The following TTN variants were observed in gnomAD, a reference collection of about 807,000 sequenced individuals.
TTN encodes the protein connectin.
Under a neutral mutation model 3,223.0 loss-of-function variants are expected in TTN, and 1,525 were observed. That is an observed-to-expected ratio of 0.47 (90% CI 0.45 to 0.49). The LOEUF (loss-of-function observed/expected upper bound fraction) is 0.49, where lower values mean the gene tolerates loss of function less well. TTN is among the 20% of genes least tolerant of loss of function. The pLI is 0.00. For synonymous variants in TTN, 14,094 were observed against 15,161.0 expected, an observed-to-expected ratio of 0.93 and a Z score of 5.17; for missense variants, 40,786 against 43,424.0, an observed-to-expected ratio of 0.94 and a Z score of 5.40.
intron 121 of TTN, among the ~76,000 whole-genome samples, chr2:178,690,984 A>T (rs2072264932): frequency 6.6e-6 from 1 of 152,186 alleles, no homozygotes; most frequent in African/African-American, 2.4e-5. Context: ...GTAGTACATA[A>T]TAACAATGGA....
intron 100 of TTN, among the ~76,000 whole-genome samples, chr2:178,707,297 A>T (rs1042819196): frequency 6.6e-6 from 1 of 152,358 alleles, no homozygotes; most frequent in South Asian, 2.1e-4. Context: ...GGTGAAAAGA[A>T]GTTCAAGAAA....
Position 178,540,115 on chromosome 2 carries a change from C to G in TTN, c.98051G>C (p.Gly32684Ala), listed in dbSNP as rs774041992. 43 of 1,610,608 alleles carry G rather than the reference C, an allele frequency of 2.7e-5. No homozygotes were observed. The highest frequency in any genetic ancestry group is 3.6e-5 in the Non-Finnish European group (42 of 1,177,430). ...RVLACNAGGP[G>A]EPAEVPGTVK... ...TGTTCCTGGTACCTCAGCAGGCTCA[C>G]CAGGTCCACCAGCATTACAAGCTAG... The change falls in exon 351 of 363, where the codon GGT becomes GCT. Residue 32684 changes from glycine (G) to alanine (A), a missense_variant. Transcript: ENST00000589042.
rs764263517 is a variant in TTN at position 178,577,794 on chromosome 2, C to T, written c.68632G>A (p.Val22878Met). 4.3e-5 allele frequency: 69 copies of T among 1,612,716 alleles called. No homozygotes were observed. The highest frequency in any genetic ancestry group is 5.4e-5 in the Non-Finnish European group (64 of 1,179,404). The part of the protein sequence containing the change: ...DGGHKLTGYI[V>M]EKRDLPSKSW... ...TTCGAAGGTAGATCTCGCTTCTCCA[C>T]TATATATCCAGTTAACTTATGACCA... The change falls in exon 323 of 363, where the codon GTG (valine) becomes ATG (methionine). Residue 22878 changes from valine (V) to methionine (M), a missense_variant. By Grantham distance (21) the Val-to-Met change is conservative. Transcript: ENST00000589042.
rs572589233 is a variant in TTN, at chr2:178,771,393, T to C, written c.7934A>G (p.Asn2645Ser). Residue 2645 changes from asparagine to serine, a missense_variant, in exon 34 of 363, where the codon AAC (asparagine) becomes AGC (serine). Coordinates refer to ENST00000589042, the MANE Select transcript of TTN (RefSeq NM_001267550.2). ...QEAVFECEVA[N>S]PDSKGEWLRD... ...CAACCATTCGCCTTTGGAATCTGGGTTGGCAACTTCACATTCAAACACAGC... is the reference window on the plus strand; with the variant it reads ...CAACCATTCGCCTTTGGAATCTGGGCTGGCAACTTCACATTCAAACACAGC... 3.1e-6 allele frequency: 5 copies of C among 1,614,024 alleles called. No individual in the cohort carries two copies. The African/African-American group carries it at 4.0e-5, about 13-fold the overall frequency.
Position 178,549,794 on chromosome 2 carries a change from G to T in TTN, c.91928C>A (p.Ala30643Asp). ...GGGAGCACAACCGTCATTGAGTGGG[G>T]CATCCCACCACAGAGTCATCTTCTC... ...TGEKMTLWWD[A>D]PLNDGCAPIT... The change falls in exon 338 of 363, where the codon GCC (alanine) becomes GAC (aspartate). Residue 30643 changes from alanine to aspartate, a missense_variant. Physicochemically the swap from Ala to Asp is moderately radical, Grantham distance 126. Coordinates refer to ENST00000589042, the MANE Select transcript of TTN (RefSeq NM_001267550.2). The T allele has an allele frequency of 1.2e-6, 2 of 1,610,822 alleles. No individual in the cohort carries two copies. Among genetic ancestry groups the T allele is most frequent in the South Asian group, 1.1e-5 (1 of 90,924 alleles).
At chr2:178,757,949 A>T in intron 44 of TTN, 33 bp from the exon 45 acceptor site, 2 of 1,508,686 alleles carry the variant, frequency 1.3e-6, no homozygotes, top group Non-Finnish European at 1.8e-6. Context: ...TTAATGTCTT[A>T]CCTTGCACTG....
Position 178,538,792 on chromosome 2 carries a change from C to T in TTN, c.99037G>A (p.Asp33013Asn), listed in dbSNP as rs1342105550. Residue 33013 changes from aspartate (D) to asparagine (N), a missense_variant, in exon 354 of 363, where the codon GAT (aspartate) becomes AAT (asparagine). Asp to Asn is a conservative substitution (Grantham distance 23). Coordinates refer to ENST00000589042, the MANE Select transcript of TTN (RefSeq NM_001267550.2). ...GELEILSISK[D>N]SVTLQWEKPE... Reference sequence around the variant, plus strand: ...TTCTCCCACTGTAGAGTGACACTATCTTTGGATATTGAAAGAATCTCAAGT... The same window carrying T: ...TTCTCCCACTGTAGAGTGACACTATTTTTGGATATTGAAAGAATCTCAAGT... 6.2e-7 allele frequency: 1 copy of T among 1,612,468 alleles called. No individual in the cohort carries two copies. Among genetic ancestry groups the T allele is most frequent in the African/African-American group, 1.3e-5 (1 of 74,832 alleles).
Position 178,533,702 on chromosome 2 carries a change from TGTC to T in TTN, c.102910_102912del (p.Asp34304del), listed in dbSNP as rs1484052848. ...TTGTCTGACTCAAATGTGTACTTCTTGTCATTGTCACCTGGTTTGATTTTCTGA... is the reference window on the plus strand; with the variant it reads ...TTGTCTGACTCAAATGTGTACTTCTTATTGTCACCTGGTTTGATTTTCTGA... On this transcript the variant is annotated inframe_deletion, in exon 358 of 363. Coordinates refer to ENST00000589042, the MANE Select transcript of TTN (RefSeq NM_001267550.2). 1 of 1,613,958 alleles carries T rather than the reference TGTC, an allele frequency of 6.2e-7. No individual in the cohort carries two copies. Among genetic ancestry groups the T allele is most frequent in the East Asian group, 2.2e-5 (1 of 44,880 alleles).
chr2:178,701,238 A>C (rs1316528271), intron 110 of TTN, 35 bp from the exon 111 acceptor site: 1 of 1,573,826 alleles, frequency 6.4e-7, no homozygotes, highest in Non-Finnish European at 8.7e-7. Flanking sequence ...AACATGTTTT[A>C]GTTTCTTATT....
chr2:178,575,791 G>A lies in TTN; in HGVS notation c.70341C>T (p.Ile23447=), dbSNP rs1213801020. 6.2e-7 allele frequency: 1 copy of A among 1,612,948 alleles called. No individual in the cohort carries two copies. Among genetic ancestry groups the A allele is most frequent in the Admixed American group, 1.7e-5 (1 of 59,966 alleles). The change falls in exon 326 of 363, where the codon ATC becomes ATT. Residue 23447 remains isoleucine, a synonymous_variant. Coordinates refer to ENST00000589042, the MANE Select transcript of TTN (RefSeq NM_001267550.2). The surrounding 1 kb of genome is among the most constrained non-coding windows in gnomAD (Gnocchi z 4.0). ...GPVLNLRPTD[I]TKDSVTLHWD... ...AGTGCAGGGTGACACTGTCCTTTGT[G>A]ATGTCTGTAGGCCGCAGGTTGAGGA...
At chr2:178,761,486 C>T (rs2089184603) in intron 43 of TTN, among the ~76,000 whole-genome samples, 1 of 152,188 alleles carries the variant, frequency 6.6e-6, no homozygotes, top group Admixed American at 6.5e-5. Context: ...TTGCTTCTAG[C>T]ACATGAAGCA....
Position 178,616,495 on chromosome 2 carries a change from C to T in TTN, c.48296G>A (p.Arg16099Gln), listed in dbSNP as rs376747673. 6.8e-5 allele frequency: 110 copies of T among 1,611,924 alleles called. No homozygotes were observed. The highest frequency in any genetic ancestry group is 8.0e-5 in the African/African-American group (6 of 74,744). ...AAAACTCACTTTAGTCCATGTTTTC[C>T]GGCTGACTTCTCGTTTTTCAACAAC... Reference protein sequence around the residue: ...GYVVEKREVSRKTWTKVMDFV... With the variant: ...GYVVEKREVSQKTWTKVMDFV... The change falls in exon 257 of 363, where the codon CGG becomes CAG. Residue 16099 changes from arginine (R) to glutamine (Q), a missense_variant. Physicochemically the swap from Arg to Gln is conservative, Grantham distance 43 (BLOSUM62 1). Transcript: ENST00000589042.
At position 178,794,479 on chromosome 2, in the gene TTN, C is replaced by T. The variant is rs747410439; in HGVS notation, c.1318G>A (p.Glu440Lys). 1 of 1,614,208 alleles carries T rather than the reference C, an allele frequency of 6.2e-7. No individual in the cohort carries two copies. The highest frequency in any genetic ancestry group is 8.5e-7 in the Non-Finnish European group (1 of 1,180,020). The change falls in exon 8 of 363, where the codon GAA becomes AAA. Residue 440 changes from glutamate (E) to lysine (K), a missense_variant. By Grantham distance (56) the Glu-to-Lys change is moderately conservative. Coordinates refer to ENST00000589042, the MANE Select transcript of TTN (RefSeq NM_001267550.2). Reference sequence around the variant, plus strand: ...TGCTCTACAGCGCTGATCACTGGTTCTCTCACTCTGGCCATATCAACGGCA... The same window carrying T: ...TGCTCTACAGCGCTGATCACTGGTTTTCTCACTCTGGCCATATCAACGGCA... Reference protein sequence around the residue: ...VAAVDMARVREPVISAVEQTA... With the variant: ...VAAVDMARVRKPVISAVEQTA...
At chr2:178,650,344 T>C (rs2062734142) in intron 209 of TTN, 73 bp from the exon 210 acceptor site, 1 of 1,289,702 alleles carries the variant, frequency 7.8e-7, no homozygotes, top group Admixed American at 2.6e-5. Flanking sequence ...CTAAACACGA[T>C]AAATAGTAAT....
At position 178,615,670 on chromosome 2, in the gene TTN, T is replaced by G. The variant is rs879133118; in HGVS notation, c.48431A>C (p.Asp16144Ala). 12 of 1,612,342 alleles carry G rather than the reference T, an allele frequency of 7.4e-6. No homozygotes were observed. In the African/African-American group the frequency reaches 1.5e-4, roughly 20 times the overall value. Residue 16144 changes from aspartate to alanine, a missense_variant, in exon 258 of 363, where the codon GAT (aspartate) becomes GCT (alanine). By Grantham distance (126) the Asp-to-Ala change is moderately radical. Transcript: ENST00000589042. The part of the protein sequence containing the change: ...KCGPGEPAYV[D>A]EPVNMSTPAT... ...AGGAGTTGACATATTTACAGGTTCA[T>G]CAACATATGCAGGTTCTCCAGGGCC...
Position 178,579,680 on chromosome 2 carries a change from A to G in TTN, c.67517T>C (p.Leu22506Pro). Residue 22506 changes from leucine to proline, a missense_variant, in exon 319 of 363, where the codon CTA becomes CCA. By Grantham distance (98) the Leu-to-Pro change is moderately conservative (BLOSUM62 -3). Coordinates refer to ENST00000589042, the MANE Select transcript of TTN (RefSeq NM_001267550.2). The part of the protein sequence containing the change: ...KWQRVMKSLS[L>P]QYSAKDLTEG... ...AGTCAAATCTTTTGCAGAGTACTGTAGGCTTAAGGATTTCATAACTCGTTG... is the reference window on the plus strand; with the variant it reads ...AGTCAAATCTTTTGCAGAGTACTGTGGGCTTAAGGATTTCATAACTCGTTG... 6.2e-7 allele frequency: 1 copy of G among 1,613,306 alleles called. No homozygotes were observed. The highest frequency in any genetic ancestry group is 8.5e-7 in the Non-Finnish European group (1 of 1,179,516).
Position 178,588,202 on chromosome 2 carries a change from T to C in TTN, c.63205A>G (p.Thr21069Ala). ...KDPIEPPGPP[T>A]NFRVVDTTKH... Reference sequence around the variant, plus strand: ...GTTGTATCAACCACTCTGAAATTGGTTGGTGGACCAGGTGGCTCTGAAAGT... The same window carrying C: ...GTTGTATCAACCACTCTGAAATTGGCTGGTGGACCAGGTGGCTCTGAAAGT... Residue 21069 changes from threonine (T) to alanine (A), a missense_variant, in exon 305 of 363, where the codon ACC becomes GCC. Coordinates refer to ENST00000589042, the MANE Select transcript of TTN (RefSeq NM_001267550.2). 6.3e-7 allele frequency: 1 copy of C among 1,580,118 alleles called. No individual in the cohort carries two copies.
chr2:178,685,412 T>C, intron 128 of TTN, 82 bp from the exon 129 acceptor site: 1 of 1,470,314 alleles, frequency 6.8e-7, no homozygotes. Context: ...TTATTAGACA[T>C]GATATTTATC....
At chr2:178,760,856 TG>T (rs2088957162) in intron 43 of TTN, 1 of 151,116 alleles carries the variant, frequency 6.6e-6, no homozygotes, top group Non-Finnish European at 1.5e-5. Flanking sequence ...GGGGTGTGTG[TG>T]TGTGTGTGTG....
Sources: gnomAD v4.1 joint callset for allele counts (sites outside exome capture counted in the v4.1 genomes callset) on GRCh38, gnomAD v4.1.1 for gene constraint, Gnocchi (gnomAD v3.1) non-coding constraint, MANE v1.5 for transcripts, NCBI Gene and HGNC (gene_info 2026-07-23, HGNC 2026-07-21) for gene names.